DNAH10: variants seen among roughly 807,000 people sequenced by gnomAD.
The protein encoded by DNAH10 is axonemal beta dynein heavy chain 10.
A neutral mutation model predicts 506.6 loss-of-function variants in DNAH10; 348 were observed. The observed-to-expected ratio is 0.69, with a 90% CI of 0.63 to 0.75. The LOEUF (loss-of-function observed/expected upper bound fraction) is 0.75, where lower values mean the gene tolerates loss of function less well. Among genes scored for constraint, DNAH10 ranks in the 30% least tolerant of loss-of-function variants. The pLI, the probability that DNAH10 is intolerant of heterozygous loss-of-function variation, is 0.00. For synonymous variants in DNAH10, 2,059 were observed against 2,198.6 expected (o/e 0.94, Z 1.78); for missense variants, 5,179 against 5,787.1 (o/e 0.89, Z 3.41).
At position 123,800,335 on chromosome 12, in the gene DNAH10, C is replaced by T. The variant is rs144164191; in HGVS notation, c.2409C>T (p.Phe803=). 1.2e-4 allele frequency: 193 copies of T among 1,613,998 alleles called. No individual in the cohort carries two copies. Among genetic ancestry groups the T allele is most frequent in the Non-Finnish European group, 1.6e-4 (185 of 1,180,026 alleles). The part of the protein sequence containing the change: ...NETKYLEQLG[F]TVPELARNVA... ...CAAAGTACTTAGAGCAGCTGGGGTTCACTGTCCCTGAATTAGCAAGAAATG... is the reference window on the plus strand; with the variant it reads ...CAAAGTACTTAGAGCAGCTGGGGTTTACTGTCCCTGAATTAGCAAGAAATG... The change falls in exon 15 of 79, where the codon TTC becomes TTT. Residue 803 remains phenylalanine, a synonymous_variant. Transcript: ENST00000673944.
Position 123,762,907 on chromosome 12 carries a change from AG to A in DNAH10, c.214+362del, listed in dbSNP as rs1185961285. On this transcript the variant is annotated intron_variant, in intron 1 of 78. Coordinates refer to ENST00000673944, the MANE Select transcript of DNAH10 (RefSeq NM_001372106.1). This position sits in a 1 kb window ranked among gnomAD's most constrained non-coding sequence, Gnocchi z 5.0. ...TTTACAGATGAGCAAACTGGCACGG[AG>A]GGGGTTAAGTAACCTGCCCAAGGCC... 6.6e-6 allele frequency among the ~76,000 whole-genome samples: 1 copy of A among 152,144 alleles called. No homozygotes were observed. The highest frequency in any genetic ancestry group is 2.4e-5 in the African/African-American group (1 of 41,440).
chr12:123,906,624 C>G (rs1394861514), intron 57 of DNAH10, among the ~76,000 whole-genome samples: 1 of 152,122 alleles, frequency 6.6e-6, no homozygotes, highest in Non-Finnish European at 1.5e-5. Context: ...CCCATGATTT[C>G]TTTTGGTACT....
rs1954826797 is a variant in DNAH10 at position 123,923,786 on chromosome 12, CTCTTT to C, written c.11537_11541del (p.Ser3846Ter). On this transcript the variant is annotated frameshift_variant, in exon 66 of 79. Transcript: ENST00000673944. LOFTEE classifies it high-confidence loss of function. Reference sequence around the variant, plus strand: ...AGGGCTGTTTGAGAGGCACAAGCTACTCTTTTCTTTTAATATGACCATCAAGATAG... The same window carrying C: ...AGGGCTGTTTGAGAGGCACAAGCTACTCTTTTAATATGACCATCAAGATAG... The C allele has an allele frequency of 3.7e-6, 6 of 1,611,858 alleles. No homozygotes were observed. The highest frequency in any genetic ancestry group is 5.1e-6 in the Non-Finnish European group (6 of 1,179,388).
rs546730170 is a variant in DNAH10, at chr12:123,804,417, C to T, written c.2780-416C>T. Among the ~76,000 whole-genome samples, 10 of 151,476 alleles carry T rather than the reference C, an allele frequency of 6.6e-5. No homozygotes were observed. The South Asian group carries it at 1.1e-3, about 16-fold the overall frequency. On this transcript the variant is annotated intron_variant, in intron 17 of 78. Coordinates refer to ENST00000673944, the MANE Select transcript of DNAH10 (RefSeq NM_001372106.1). ...GTGGGCACCTGTAGTCCCAGCTACT[C>T]GGGAGGCTGAGGCAGGAGAATGGCG... is the stretch of plus-strand genomic sequence containing the variant.
chr12:123,898,557 T>G, intron 55 of DNAH10, 96 bp from the exon 56 acceptor site: 1 of 1,389,496 alleles, frequency 7.2e-7, no homozygotes, highest in Non-Finnish European at 9.5e-7. Context: ...AAATGTTTTG[T>G]TTTGTTTTTG....
chr12:123,782,347 TCC>T (rs1565896511), intron 6 of DNAH10, among the ~76,000 whole-genome samples: 1 of 26,530 alleles, frequency 3.8e-5, no homozygotes. Context: ...TCCCCTCCCC[TCC>T]CCTCCCCTTC....
chr12:123,813,943 A>G (rs1393844703), intron 21 of DNAH10, 31 bp downstream of exon 21: 2 of 1,551,752 alleles, frequency 1.3e-6, no homozygotes, highest in Admixed American at 2.3e-5. Context: ...TTATTCATTT[A>G]ACAATTGGAT....
chr12:123,839,999 G>A (rs970167705), intron 29 of DNAH10, among the ~76,000 whole-genome samples: 9 of 152,046 alleles, frequency 5.9e-5, no homozygotes, highest in African/African-American at 1.7e-4. Flanking sequence ...TTTATCTAGC[G>A]TCAGCCTGGG....
In DNAH10 at chr12:123,840,332, A is replaced by G. The variant is rs1386167246; in HGVS notation, c.5137-990A>G. ...TAACTTCCTTCTTAAAGTAAGATTC[A>G]TATTTTCGACTGCATATTTTTCCTT... On this transcript the variant is annotated intron_variant, in intron 29 of 78. Coordinates refer to ENST00000673944, the MANE Select transcript of DNAH10 (RefSeq NM_001372106.1). Among the ~76,000 whole-genome samples the G allele has an allele frequency of 2.0e-5, 3 of 147,778 alleles. No homozygotes were observed. The East Asian group carries it at 5.9e-4, about 29-fold the overall frequency.
intron 32 of DNAH10, 44 bp from the exon 33 acceptor site, chr12:123,847,917 T>C: frequency 6.4e-7 from 1 of 1,564,412 alleles, no homozygotes; most frequent in Non-Finnish European, 8.7e-7. Context: ...CCCACTTCCT[T>C]CTGTGCACCA....
At chr12:123,892,084 A>G (rs1247381806) in intron 52 of DNAH10, among the ~76,000 whole-genome samples, 1 of 152,256 alleles carries the variant, frequency 6.6e-6, no homozygotes, top group African/African-American at 2.4e-5. Context: ...GAGAGCGGGT[A>G]GTCAGCATAG....
intron 24 of DNAH10, among the ~76,000 whole-genome samples, chr12:123,822,149 G>A (rs1041609939): frequency 1.3e-5 from 2 of 152,196 alleles, no homozygotes; most frequent in African/African-American, 4.8e-5. Context: ...GGAGGTTGCG[G>A]TGAGCTGAGA....
At chr12:123,880,402 C>T (rs558088265) in intron 50 of DNAH10, among the ~76,000 whole-genome samples, 68 of 152,262 alleles carry the variant, frequency 4.5e-4, no homozygotes, top group Non-Finnish European at 9.3e-4. Flanking sequence ...TGCAGTGGTA[C>T]GATCACGGCT....
chr12:123,841,216 G>A (rs1276604858), intron 29 of DNAH10, 106 bp from the exon 30 acceptor site: 6 of 1,151,704 alleles, frequency 5.2e-6, no homozygotes, highest in African/African-American at 4.6e-5. Context: ...CTCACCGGTT[G>A]CCATTGCTTG....
At chr12:123,883,251 T>C (rs1321606887) in intron 51 of DNAH10, among the ~76,000 whole-genome samples, 1 of 152,230 alleles carries the variant, frequency 6.6e-6, no homozygotes, top group Non-Finnish European at 1.5e-5. Flanking sequence ...TGCGGGATCC[T>C]ATGATAACTC....
At position 123,785,397 on chromosome 12, in the gene DNAH10, A is replaced by T. The variant is rs374576222; in HGVS notation, c.1231-349A>T. Among the ~76,000 whole-genome samples, 1 of 152,138 alleles carries T rather than the reference A, an allele frequency of 6.6e-6. No individual in the cohort carries two copies. The highest frequency in any genetic ancestry group is 1.5e-5 in the Non-Finnish European group (1 of 68,018). On this transcript the variant is annotated intron_variant, in intron 8 of 78. Transcript: ENST00000673944. The surrounding 1 kb of genome is among the most constrained non-coding windows in gnomAD (Gnocchi z 4.1). ...TGTTTTAATCTTTTGCCCGTTATTT[A>T]TTTGAGTTATTATTATAAGAGATTA... is the stretch of plus-strand genomic sequence containing the variant.
chr12:123,875,125 G>GATCC, intron 46 of DNAH10, 106 bp from the exon 47 acceptor site: 1 of 1,319,500 alleles, frequency 7.6e-7, no homozygotes, highest in Non-Finnish European at 1.0e-6. Flanking sequence ...AGGTGCCCTG[G>GATCC]AGAGTAACGG....
intron 18 of DNAH10, among the ~76,000 whole-genome samples, chr12:123,806,122 GT>G (rs2136304288): frequency 6.6e-6 from 1 of 152,210 alleles, no homozygotes; most frequent in South Asian, 2.1e-4. Context: ...TCATTTTCTT[GT>G]TTGGTTTTTA....
At chr12:123,891,922 T>C (rs910543297) in intron 52 of DNAH10, among the ~76,000 whole-genome samples, 1 of 152,208 alleles carries the variant, frequency 6.6e-6, no homozygotes, top group Non-Finnish European at 1.5e-5. Context: ...ACACAGGACA[T>C]GCTTAATCCC....
Sources: allele counts gnomAD v4.1 joint callset (sites outside exome capture counted in the v4.1 genomes callset), GRCh38; gene constraint gnomAD v4.1.1; non-coding constraint Gnocchi (gnomAD v3.1); transcripts MANE v1.5; gene names NCBI Gene and HGNC (gene_info 2026-07-23, HGNC 2026-07-21).